The following MAGI2 variants were observed in gnomAD, a reference collection of about 807,000 sequenced individuals.
The protein encoded by MAGI2 is membrane associated guanylate kinase, WW and PDZ domain containing 2.
In MAGI2, 35 loss-of-function variants were observed where a neutral mutation model predicts 133.3. The ratio of observed to expected loss-of-function variants is 0.26; its 90% confidence interval spans 0.20 to 0.35. The LOEUF is 0.35. Among genes scored for constraint, MAGI2 ranks in the 10% least tolerant of loss-of-function variants. MAGI2 has a pLI of 1.00. For synonymous variants in MAGI2, 729 were observed against 710.6 expected, an observed-to-expected ratio of 1.03 and a Z score of -0.41; for missense variants, 1,636 against 1,863.4, an observed-to-expected ratio of 0.88 and a Z score of 2.25.
intron 2 of MAGI2, among the ~76,000 whole-genome samples, chr7:78,694,369 T>C: frequency 6.6e-6 from 1 of 152,348 alleles, no homozygotes; most frequent in East Asian, 1.9e-4. Flanking sequence ...GGTGGAATCC[T>C]ACAGTAGCAT....
chr7:79,347,030 C>T (rs188093062), intron 1 of MAGI2, among the ~76,000 whole-genome samples: 7 of 152,044 alleles, frequency 4.6e-5, no homozygotes, highest in East Asian at 3.9e-4. Flanking sequence ...TCTTTATTCG[C>T]AGCCATGATC....
intron 3 of MAGI2, among the ~76,000 whole-genome samples, chr7:78,599,485 G>A (rs1158402835): frequency 4.6e-5 from 7 of 151,952 alleles, no homozygotes; most frequent in African/African-American, 7.3e-5. Flanking sequence ...CCAGAGTCCT[G>A]GAGCTAAGAA....
At chr7:78,027,312 T>C (rs975570374) in intron 21 of MAGI2, among the ~76,000 whole-genome samples, 5 of 152,124 alleles carry the variant, frequency 3.3e-5, no homozygotes, top group Non-Finnish European at 7.3e-5. Context: ...GATTAGAGCA[T>C]TGATCTGTGA....
At chr7:78,573,368 A>ACAAAATGAAAATTT (rs1801914459) in intron 3 of MAGI2, among the ~76,000 whole-genome samples, 1 of 8,676 alleles carries the variant, frequency 1.2e-4, no homozygotes, top group Non-Finnish European at 1.9e-4. Flanking sequence ...TCCTGGAAAT[A>ACAAAATGAAAATTT]TATATATATA....
intron 1 of MAGI2, among the ~76,000 whole-genome samples, chr7:79,042,421 A>T (rs1811753915): frequency 6.6e-6 from 1 of 152,046 alleles, no homozygotes. Context: ...TATGAGTGTC[A>T]TTACATGTGA....
At chr7:78,265,727 A>T (rs1397468446) in intron 9 of MAGI2, among the ~76,000 whole-genome samples, 1 of 152,228 alleles carries the variant, frequency 6.6e-6, no homozygotes, top group African/African-American at 2.4e-5. Context: ...TGCAGGAAAG[A>T]GTCATAATTT....
chr7:78,586,162 G>A (rs1803383465), intron 3 of MAGI2, among the ~76,000 whole-genome samples: 1 of 152,218 alleles, frequency 6.6e-6, no homozygotes, highest in African/African-American at 2.4e-5. Flanking sequence ...GATTGCGTAA[G>A]TAGATCATTG....
At chr7:78,027,309 G>A (rs765037922) in intron 21 of MAGI2, among the ~76,000 whole-genome samples, 7 of 152,150 alleles carry the variant, frequency 4.6e-5, no homozygotes, top group African/African-American at 7.2e-5. Context: ...TATGATTAGA[G>A]CATTGATCTG....
intron 9 of MAGI2, among the ~76,000 whole-genome samples, chr7:78,292,157 A>G (rs1796780511): frequency 6.6e-6 from 1 of 151,782 alleles, no homozygotes; most frequent in Admixed American, 6.6e-5. Flanking sequence ...CTGTTTGCAG[A>G]TGACATGATT....
chr7:79,082,468 GAGA>G (rs575154183), intron 1 of MAGI2, among the ~76,000 whole-genome samples: 79 of 152,106 alleles, frequency 5.2e-4, no homozygotes, highest in South Asian at 4.8e-3. Flanking sequence ...ACCACTTGTT[GAGA>G]AGGTTATTCA....
chr7:78,424,286 C>A (rs1440040552), intron 6 of MAGI2, among the ~76,000 whole-genome samples: 8 of 152,160 alleles, frequency 5.3e-5, no homozygotes. Flanking sequence ...TGGCATTGAG[C>A]CTGCAGGTGC....
chr7:79,249,538 G>A (rs1317613452), intron 1 of MAGI2, among the ~76,000 whole-genome samples: 2 of 152,048 alleles, frequency 1.3e-5, no homozygotes, highest in African/African-American at 2.4e-5. Context: ...CCAATGAATT[G>A]GAAAACCTAG....
chr7:79,068,151 G>A lies in MAGI2; in HGVS notation c.302-60945C>T, dbSNP rs188962210. 1.6e-3 allele frequency among the ~76,000 whole-genome samples: 245 copies of A among 152,114 alleles called. 5 individuals are homozygous for A. The highest frequency in any genetic ancestry group is 3.4e-4 in the Non-Finnish European group (23 of 67,956). ...AGTTGGGAGGATTCCCTCTTTTTCT[G>A]TTGTTTGGAATACTTTCAGAAGGAA... On this transcript the variant is annotated intron_variant, in intron 1 of 21. Transcript: ENST00000354212.
At chr7:78,498,934 G>A (rs62467115) in intron 5 of MAGI2, among the ~76,000 whole-genome samples, 13,303 of 151,902 alleles carry the variant, frequency 0.088, 746 homozygotes, top group Non-Finnish European at 0.13. Flanking sequence ...CAGCTCTTTC[G>A]CCACAGATGA....
At chr7:78,883,193 T>C (rs549860966) in intron 2 of MAGI2, among the ~76,000 whole-genome samples, 6 of 152,152 alleles carry the variant, frequency 3.9e-5, no homozygotes, top group African/African-American at 1.4e-4. Context: ...CAGTAGCTTT[T>C]CTAAGCACCA....
At chr7:79,030,515 T>C (rs989332342) in intron 1 of MAGI2, among the ~76,000 whole-genome samples, 1 of 152,194 alleles carries the variant, frequency 6.6e-6, no homozygotes, top group African/African-American at 2.4e-5. Flanking sequence ...TTGTTTTTGT[T>C]TGTTCCTTTG....
intron 1 of MAGI2, among the ~76,000 whole-genome samples, chr7:79,092,645 A>C (rs1182891809): frequency 6.6e-6 from 1 of 152,160 alleles, no homozygotes; most frequent in Non-Finnish European, 1.5e-5. Context: ...TTTTAACCAG[A>C]TGCTTATGAA....
At chr7:79,303,363 ATTATTT>A (rs1837527727) in intron 1 of MAGI2, among the ~76,000 whole-genome samples, 1 of 152,194 alleles carries the variant, frequency 6.6e-6, no homozygotes, top group African/African-American at 2.4e-5. Flanking sequence ...ATGTTAAATT[ATTATTT>A]TTAAACACTT....
chr7:78,039,396 CTT>C (rs1184425868), intron 21 of MAGI2, among the ~76,000 whole-genome samples: 1 of 152,216 alleles, frequency 6.6e-6, no homozygotes, highest in African/African-American at 2.4e-5. Context: ...GAGTCTGTGA[CTT>C]TGGTTTATTC....
Sources: allele counts gnomAD v4.1 joint callset (sites outside exome capture counted in the v4.1 genomes callset), GRCh38; gene constraint gnomAD v4.1.1; transcripts MANE v1.5; gene names NCBI Gene and HGNC (gene_info 2026-07-23, HGNC 2026-07-21).